RNF24: variants seen among roughly 807,000 people sequenced by gnomAD.
RNF24 encodes the protein ring finger protein 24.
Under a neutral mutation model 20.0 loss-of-function variants are expected in RNF24, and 14 were observed. The observed-to-expected ratio is 0.70, with a 90% confidence interval of 0.46 to 1.10. The LOEUF is 1.10. Among genes scored for constraint, RNF24 ranks in the 50% least tolerant of loss-of-function variants. RNF24 has a pLI of 0.00. For synonymous variants in RNF24, 45 were observed against 61.1 expected (o/e 0.74, Z 1.23); for missense variants, 124 against 177.6 (o/e 0.70, Z 1.71).
chr20:3,969,308 C>T (rs900880312), intron 1 of RNF24, among the ~76,000 whole-genome samples: 2 of 152,116 alleles, frequency 1.3e-5, no homozygotes, highest in African/African-American at 4.8e-5. Context: ...ATGGCATAGA[C>T]ATACATTTCC....
intron 2 of RNF24, among the ~76,000 whole-genome samples, chr20:3,953,866 CTT>C (rs1406274653): frequency 2.0e-5 from 3 of 151,164 alleles, no homozygotes; most frequent in Admixed American, 6.6e-5. Context: ...AGGTGATTCT[CTT>C]GTTTCAGCCT....
At chr20:3,977,221 G>A (rs187089393) in intron 1 of RNF24, among the ~76,000 whole-genome samples, 10 of 152,280 alleles carry the variant, frequency 6.6e-5, no homozygotes, top group Admixed American at 5.9e-4. Context: ...CTAGATTAAG[G>A]CTTCAGGTTA....
chr20:3,974,229 A>T, intron 1 of RNF24: 1 of 1,189,242 alleles, frequency 8.4e-7, no homozygotes, highest in Non-Finnish European at 1.2e-6. Context: ...TCAACATGTT[A>T]AAAAGCATCT....
intron 1 of RNF24, among the ~76,000 whole-genome samples, chr20:3,990,964 C>G (rs1980386628): frequency 6.6e-6 from 1 of 151,758 alleles, no homozygotes; most frequent in South Asian, 2.1e-4. Context: ...AAACAACACA[C>G]AGGACAGTGC....
chr20:3,965,808 A>G (rs1245898402), intron 1 of RNF24, among the ~76,000 whole-genome samples: 1 of 152,070 alleles, frequency 6.6e-6, no homozygotes, highest in Admixed American at 6.6e-5. Flanking sequence ...CCCAGACAAG[A>G]CTGGCTTGGT....
chr20:3,935,189 C>A, intron 4 of RNF24, 116 bp from the exon 5 acceptor site: 5 of 640,092 alleles, frequency 7.8e-6, no homozygotes, highest in Non-Finnish European at 1.3e-5. Context: ...AGACTCTTAT[C>A]TTAAAAAAAA....
intron 1 of RNF24, among the ~76,000 whole-genome samples, chr20:4,008,342 T>C: frequency 1.1e-5 from 1 of 90,110 alleles, no homozygotes; most frequent in South Asian, 2.7e-4. Flanking sequence ...ATATATATAT[T>C]ATACATGTAA....
intron 1 of RNF24, among the ~76,000 whole-genome samples, chr20:3,976,007 G>C (rs1978837818): frequency 1.3e-5 from 2 of 152,068 alleles, no homozygotes; most frequent in African/African-American, 4.8e-5. Flanking sequence ...GGCTGGTCTT[G>C]AACTCCTGGA....
Position 3,934,603 on chromosome 20 carries a change from G to T in RNF24, c.308+391C>A, listed in dbSNP as rs2090867816. On this transcript the variant is annotated intron_variant, in intron 5 of 5. Transcript: ENST00000358395. This position sits in a 1 kb window ranked among gnomAD's most constrained non-coding sequence, Gnocchi z 4.0. Reference sequence around the variant, plus strand: ...AAGAATATTAATATGTCTGCAGGAAGTGGGAGGAGAGTGCCCCACACTACC... The same window carrying T: ...AAGAATATTAATATGTCTGCAGGAATTGGGAGGAGAGTGCCCCACACTACC... Among the ~76,000 whole-genome samples, 1 of 152,240 alleles carries T rather than the reference G, an allele frequency of 6.6e-6. No individual in the cohort carries two copies.
At chr20:3,955,745 G>A (rs6037702) in intron 2 of RNF24, among the ~76,000 whole-genome samples, 111,763 of 152,052 alleles carry the variant, frequency 0.74, 41,158 homozygotes, top group South Asian at 0.82. Context: ...ATATAAAGAC[G>A]ATATAAATCC....
At chr20:3,992,133 C>T (rs1303825522) in intron 1 of RNF24, among the ~76,000 whole-genome samples, 1 of 152,214 alleles carries the variant, frequency 6.6e-6, no homozygotes, top group African/African-American at 2.4e-5. Context: ...ACTTTACCCA[C>T]TCAATAACAG....
chr20:3,941,753 C>G (rs994407100), intron 4 of RNF24, among the ~76,000 whole-genome samples: 1 of 152,116 alleles, frequency 6.6e-6, no homozygotes, highest in Non-Finnish European at 1.5e-5. Context: ...AAACTCACTT[C>G]AAATATAATT....
chr20:3,990,988 C>A (rs1336767888), intron 1 of RNF24, among the ~76,000 whole-genome samples: 3 of 151,860 alleles, frequency 2.0e-5, no homozygotes, highest in African/African-American at 7.3e-5. Context: ...TGGCATATCA[C>A]CTCTGATATA....
chr20:3,985,690 T>C (rs1192650364), intron 1 of RNF24, among the ~76,000 whole-genome samples: 1 of 151,330 alleles, frequency 6.6e-6, no homozygotes, highest in African/African-American at 2.4e-5. Flanking sequence ...CTCTGCCATA[T>C]TCCTAGTAAT....
chr20:3,973,740 G>C (rs1978604461), intron 1 of RNF24, among the ~76,000 whole-genome samples: 1 of 152,014 alleles, frequency 6.6e-6, no homozygotes, highest in Non-Finnish European at 1.5e-5. Flanking sequence ...CAAAGAAACT[G>C]AATTAGTCAT....
intron 2 of RNF24, among the ~76,000 whole-genome samples, chr20:3,950,633 T>C (rs2146966135): frequency 6.6e-6 from 1 of 152,352 alleles, no homozygotes; most frequent in East Asian, 1.9e-4. Flanking sequence ...TATCATGCTA[T>C]TTTAAAAACT....
intron 1 of RNF24, among the ~76,000 whole-genome samples, 179 bp from the exon 2 acceptor site, chr20:3,964,203 T>A (rs2091234051): frequency 6.6e-6 from 1 of 152,220 alleles, no homozygotes. Flanking sequence ...CTGAGTATTA[T>A]GTACCTGGCA....
At chr20:3,970,622 A>G (rs1292231913) in intron 1 of RNF24, among the ~76,000 whole-genome samples, 1 of 152,232 alleles carries the variant, frequency 6.6e-6, no homozygotes, top group Non-Finnish European at 1.5e-5. Context: ...TGAAATTCTC[A>G]GCAAAGAAAC....
rs1270855911 is a variant in RNF24, at chr20:3,935,072, A to C, written c.230T>G (p.Leu77Arg). The C allele has an allele frequency of 6.2e-7, 1 of 1,613,908 alleles. No individual in the cohort carries two copies. The highest frequency in any genetic ancestry group is 8.5e-7 in the Non-Finnish European group (1 of 1,179,802). ...EKVKELNLHELCAVCLEDFKP... is the reference protein window; with the variant it reads ...EKVKELNLHERCAVCLEDFKP... ...GAAGTCTTCTAGGCACACTGCACAG[A>C]GCTGAAAGACAAATGCACAAATGAA... The change falls in exon 5 of 6, where the codon CTC (leucine) becomes CGC (arginine). Residue 77 changes from leucine (L) to arginine (R), a missense_variant and splice_region_variant. Transcript: ENST00000358395.
Sources: allele counts gnomAD v4.1 joint callset (sites outside exome capture counted in the v4.1 genomes callset), GRCh38; gene constraint gnomAD v4.1.1; non-coding constraint Gnocchi (gnomAD v3.1); transcripts MANE v1.5; gene names NCBI Gene and HGNC (gene_info 2026-07-23, HGNC 2026-07-21).